Variants in B4GALT5 observed in about 807,000 individuals in gnomAD.
B4GALT5 encodes beta-1,4-galactosyltransferase 5.
In B4GALT5, 11 loss-of-function variants were observed where a neutral mutation model predicts 45.0. The observed-to-expected ratio is 0.24, with a 90% CI of 0.15 to 0.40. The LOEUF is 0.40. Ranked by LOEUF, B4GALT5 falls within the 10% of genes least tolerant of loss-of-function variation. The pLI is 1.00. For synonymous variants in B4GALT5, 185 were observed against 182.9 expected (o/e 1.01, Z -0.09); for missense variants, 337 against 500.2 (o/e 0.67, Z 3.11).
chr20:49,663,344 C>T (rs753716572), intron 1 of B4GALT5, among the ~76,000 whole-genome samples: 6 of 151,868 alleles, frequency 4.0e-5, no homozygotes, highest in Non-Finnish European at 8.8e-5. Context: ...ACAAAATTTA[C>T]CTTCCCCAAA....
intron 2 of B4GALT5, among the ~76,000 whole-genome samples, chr20:49,654,372 A>G (rs987403316): frequency 6.6e-6 from 1 of 152,246 alleles, no homozygotes; most frequent in Admixed American, 6.5e-5. Flanking sequence ...CACCACATGC[A>G]AGACGGAAAC....
At chr20:49,661,878 C>A (rs1330044791) in intron 1 of B4GALT5, among the ~76,000 whole-genome samples, 2 of 152,160 alleles carry the variant, frequency 1.3e-5, no homozygotes, top group Non-Finnish European at 1.5e-5. Context: ...TATTATCCAG[C>A]CTCATATCTA....
rs752741936 is a variant in B4GALT5, at chr20:49,643,643, T to C, written c.372A>G (p.Pro124=). ...CAATTTCACTCATGTTTATGTCTAT[T>C]GGGCCCTCTGAACAGAGACGGGGAA... The part of the protein sequence containing the change: ...CPERLPSMKG[P]IDINMSEIGM... The change falls in exon 4 of 9, where the codon CCA becomes CCG. Residue 124 remains proline (P), a synonymous_variant. Transcript: ENST00000371711. 1 of 1,613,810 alleles carries C rather than the reference T, an allele frequency of 6.2e-7. No homozygotes were observed.
intron 7 of B4GALT5, among the ~76,000 whole-genome samples, chr20:49,638,509 G>A (rs997685803): frequency 2.6e-5 from 4 of 152,166 alleles, no homozygotes; most frequent in African/African-American, 7.2e-5. Flanking sequence ...ACCCAAGCTT[G>A]TACAGTACAA....
chr20:49,640,431 C>T, intron 6 of B4GALT5, 47 bp downstream of exon 6: 7 of 1,481,702 alleles, frequency 4.7e-6, no homozygotes, highest in Non-Finnish European at 6.3e-6. Flanking sequence ...CATCGCTCAC[C>T]ATCCTTTCAG....
intron 1 of B4GALT5, among the ~76,000 whole-genome samples, chr20:49,711,899 T>C (rs2085913903): frequency 6.6e-6 from 1 of 152,248 alleles, no homozygotes; most frequent in Non-Finnish European, 1.5e-5. Flanking sequence ...TAGTTCTGCG[T>C]TGACAGGTCA....
At chr20:49,701,455 TTTCTGATG>T (rs142827649) in intron 1 of B4GALT5, among the ~76,000 whole-genome samples, 17,539 of 152,050 alleles carry the variant, frequency 0.12, 1,233 homozygotes, top group East Asian at 0.22. Context: ...TTGACATCAT[TTTCTGATG>T]TTATAAAGGA....
At chr20:49,655,260 G>A (rs747734268) in intron 2 of B4GALT5, among the ~76,000 whole-genome samples, 5 of 150,980 alleles carry the variant, frequency 3.3e-5, no homozygotes, top group Non-Finnish European at 5.9e-5. Flanking sequence ...GCGAAACCCC[G>A]TCTCTACTAA....
chr20:49,673,026 T>C (rs1055889035), intron 1 of B4GALT5, among the ~76,000 whole-genome samples: 1 of 152,194 alleles, frequency 6.6e-6, no homozygotes, highest in African/African-American at 2.4e-5. Context: ...CTGAGTATTC[T>C]TGCCAAAAAC....
chr20:49,636,489 G>A (rs1404479605), intron 8 of B4GALT5, 30 bp from the exon 9 acceptor site: 2 of 1,612,394 alleles, frequency 1.2e-6, no homozygotes, highest in Non-Finnish European at 1.7e-6. Context: ...AGAAGAGGTG[G>A]CTCTGAGTGA....
chr20:49,686,709 G>A (rs1177964683), intron 1 of B4GALT5, among the ~76,000 whole-genome samples: 4 of 107,998 alleles, frequency 3.7e-5, no homozygotes, highest in African/African-American at 7.4e-5. Flanking sequence ...AGGCAACATA[G>A]CAAGACCTTG....
intron 3 of B4GALT5, 116 bp downstream of exon 3, chr20:49,646,849 G>A: frequency 3.2e-6 from 2 of 629,322 alleles, no homozygotes; most frequent in Non-Finnish European, 5.3e-6. Flanking sequence ...CACAAACCCT[G>A]TTTCCAATGG....
intron 3 of B4GALT5, among the ~76,000 whole-genome samples, chr20:49,646,373 C>CA (rs1348453474): frequency 6.6e-6 from 1 of 152,152 alleles, no homozygotes; most frequent in African/African-American, 2.4e-5. Flanking sequence ...TCCATTCCTG[C>CA]AGGCTCCGTT....
At chr20:49,648,315 C>A (rs2085607406) in intron 2 of B4GALT5, among the ~76,000 whole-genome samples, 1 of 152,194 alleles carries the variant, frequency 6.6e-6, no homozygotes, top group Admixed American at 6.5e-5. Flanking sequence ...ATACTGTGGT[C>A]ATGCCAGGTA....
chr20:49,678,490 T>C (rs1311287344), intron 1 of B4GALT5, among the ~76,000 whole-genome samples: 1 of 152,108 alleles, frequency 6.6e-6, no homozygotes, highest in African/African-American at 2.4e-5. Context: ...CAGCCATGAG[T>C]CCCTACGTGG....
chr20:49,650,456 TAAAAAAAA>T (rs141588605), intron 2 of B4GALT5, among the ~76,000 whole-genome samples: 1 of 128,476 alleles, frequency 7.8e-6, no homozygotes, highest in Non-Finnish European at 1.6e-5. Context: ...CCATCTCTGC[TAAAAAAAA>T]AAAAAAAAAA....
rs1425864048 is a variant in B4GALT5, at chr20:49,634,106, G to A, written c.*2206C>T. ...AGCTTACCGGCATTTTCAAGGGCAGGAACCTGCTCTCTCATATGAGCCGAT... is the reference window on the plus strand; with the variant it reads ...AGCTTACCGGCATTTTCAAGGGCAGAAACCTGCTCTCTCATATGAGCCGAT... On this transcript the variant is annotated 3_prime_UTR_variant, in exon 9 of 9. Coordinates refer to ENST00000371711, the MANE Select transcript of B4GALT5 (RefSeq NM_004776.4). 1.3e-5 allele frequency: 2 copies of A among 152,574 alleles called. No individual in the cohort carries two copies. The highest frequency in any genetic ancestry group is 2.9e-5 in the Non-Finnish European group (2 of 68,040). 9.5% of individuals were successfully genotyped at this position (152,574 alleles called of 1,614,324 possible). A position where few individuals can be genotyped will look rare whatever the true frequency, so the allele number is the denominator to read the frequency against.
chr20:49,683,385 A>ATTTTTTTT (rs66503719), intron 1 of B4GALT5, among the ~76,000 whole-genome samples: 2 of 96,634 alleles, frequency 2.1e-5, no homozygotes, highest in Admixed American at 1.2e-4. Context: ...ACAGGTTTAA[A>ATTTTTTTT]TTTTTTTTTT....
Position 49,635,271 on chromosome 20 carries a change from C to T in B4GALT5, c.*1041G>A, listed in dbSNP as rs1194044106. 4.6e-5 allele frequency: 6 copies of T among 129,880 alleles called. No individual in the cohort carries two copies. The highest frequency in any genetic ancestry group is 1.7e-4 in the African/African-American group (6 of 34,434). The allele number at this position is 129,880 out of a possible 1,614,324, so 8.0% of individuals were successfully genotyped here. A position where few individuals can be genotyped will look rare whatever the true frequency, so the allele number is the denominator to read the frequency against. On this transcript the variant is annotated 3_prime_UTR_variant, in exon 9 of 9. Coordinates refer to ENST00000371711, the MANE Select transcript of B4GALT5 (RefSeq NM_004776.4). ...CCGCCATGCTGATGAAAAGACAGAA[C>T]ACGAAGCCTGGAGAGCCAGAGATGT...
Sources: allele counts gnomAD v4.1 joint callset (sites outside exome capture counted in the v4.1 genomes callset), GRCh38; gene constraint gnomAD v4.1.1; transcripts MANE v1.5; gene names NCBI Gene and HGNC (gene_info 2026-07-23, HGNC 2026-07-21).